Variants in EPC2 observed in about 807,000 individuals in gnomAD.
The protein encoded by EPC2 is enhancer of polycomb 2.
EPC2 carries 14 observed loss-of-function variants against 92.1 expected under a neutral mutation model. The observed-to-expected ratio is 0.15, with a 90% CI of 0.10 to 0.24. The LOEUF is 0.24. Ranked by LOEUF, EPC2 falls within the 10% of genes least tolerant of loss-of-function variation. EPC2 has a pLI of 1.00. For synonymous variants in EPC2, 340 were observed against 334.7 expected (o/e 1.02, Z -0.17); for missense variants, 755 against 971.5 (o/e 0.78, Z 2.96).
intron 1 of EPC2, among the ~76,000 whole-genome samples, chr2:148,660,703 G>T (rs866689607): frequency 8.6e-5 from 13 of 151,696 alleles, no homozygotes; most frequent in Middle Eastern, 3.4e-3. Context: ...AGTATACACT[G>T]CGTTGTAGAT....
intron 1 of EPC2, among the ~76,000 whole-genome samples, chr2:148,649,244 T>C (rs1680607562): frequency 6.6e-6 from 1 of 152,198 alleles, no homozygotes; most frequent in Non-Finnish European, 1.5e-5. Flanking sequence ...CTATATACAG[T>C]GTGGAGTTTG....
Position 148,770,916 on chromosome 2 carries a change from G to A in EPC2, c.1355G>A (p.Arg452Lys). ...AGAAGATGTATAGGATTTGCAAGGA[G>A]GCGAATTGGCAGAGGTGGAAGGTGA... Reference protein sequence around the residue: ...VPRRCIGFARRRIGRGGRVIM... With the variant: ...VPRRCIGFARKRIGRGGRVIM... Residue 452 changes from arginine (R) to lysine (K), a missense_variant, in exon 9 of 14, where the codon AGG becomes AAG. Physicochemically the swap from Arg to Lys is conservative, Grantham distance 26. Around this residue, in one of 4 missense-constraint regions of EPC2, gnomAD observed 509 missense variants for 607.7 expected, o/e 0.84. Transcript: ENST00000258484. 6.2e-7 allele frequency: 1 copy of A among 1,612,522 alleles called. No homozygotes were observed. The highest frequency in any genetic ancestry group is 8.5e-7 in the Non-Finnish European group (1 of 1,179,586).
chr2:148,680,022 C>T (rs1052402792), intron 1 of EPC2, among the ~76,000 whole-genome samples: 2 of 151,448 alleles, frequency 1.3e-5, no homozygotes, highest in African/African-American at 4.9e-5. Context: ...GGTGTTCCAA[C>T]TTGGGATTCT....
At chr2:148,737,108 T>G (rs577751119) in intron 2 of EPC2, among the ~76,000 whole-genome samples, 4 of 152,158 alleles carry the variant, frequency 2.6e-5, no homozygotes, top group Admixed American at 6.5e-5. Context: ...AAGAAAGAAA[T>G]AAAACTAATT....
chr2:148,678,041 C>T lies in EPC2; in HGVS notation c.154-12173C>T, dbSNP rs1463738152. On this transcript the variant is annotated intron_variant, in intron 1 of 13. Transcript: ENST00000258484. ...AGCCTGCTTTTATTCTCTTATCTGG[C>T]CCCACCCACATCCTGCTGATTGGTA... Among the ~76,000 whole-genome samples, 9 of 152,282 alleles carry T rather than the reference C, an allele frequency of 5.9e-5. No individual in the cohort carries two copies. In the South Asian group the frequency reaches 1.7e-3, roughly 28 times the overall value.
intron 6 of EPC2, 21 bp downstream of exon 6, chr2:148,762,823 A>C: frequency 1.3e-6 from 2 of 1,591,070 alleles, no homozygotes; most frequent in African/African-American, 1.3e-5. Flanking sequence ...TCTGGGAAGA[A>C]GCATGTATGG....
intron 1 of EPC2, among the ~76,000 whole-genome samples, chr2:148,655,679 T>A (rs1680778476): frequency 6.6e-6 from 1 of 152,190 alleles, no homozygotes; most frequent in Non-Finnish European, 1.5e-5. Context: ...TTTCTATGGA[T>A]GTTTTGGGAA....
chr2:148,783,706 A>G lies in EPC2; in HGVS notation c.1967A>G (p.Lys656Arg), dbSNP rs567494175. The G allele has an allele frequency of 1.2e-5, 19 of 1,594,218 alleles. No individual in the cohort carries two copies. The South Asian group carries it at 2.2e-4, about 18-fold the overall frequency. ...APVPSRSEVA[K>R]EQNTGHNNIN... ...GTTCCAAGTCGCAGTGAGGTAGCCA[A>G]GGAACAGAACACTGGCCACAACAAC... Residue 656 changes from lysine (K) to arginine (R), a missense_variant, in exon 12 of 14, where the codon AAG becomes AGG. Transcript: ENST00000258484.
chr2:148,647,102 T>G (rs561798631), intron 1 of EPC2, among the ~76,000 whole-genome samples: 1 of 152,094 alleles, frequency 6.6e-6, no homozygotes, highest in Non-Finnish European at 1.5e-5. Flanking sequence ...AGAGCGAGAC[T>G]CCGTCCCCCC....
chr2:148,742,561 G>A (rs1411207146), intron 2 of EPC2, among the ~76,000 whole-genome samples: 3 of 151,814 alleles, frequency 2.0e-5, no homozygotes, highest in Non-Finnish European at 2.9e-5. Context: ...CAGACAGATC[G>A]CTTGAGCCCA....
chr2:148,766,061 AG>A (rs1683402446), intron 7 of EPC2, among the ~76,000 whole-genome samples: 1 of 152,210 alleles, frequency 6.6e-6, no homozygotes, highest in Non-Finnish European at 1.5e-5. Context: ...AACAAAAAAA[AG>A]ATCCATTTTT....
intron 1 of EPC2, among the ~76,000 whole-genome samples, chr2:148,686,833 A>G (rs1009333312): frequency 6.6e-6 from 1 of 152,206 alleles, no homozygotes; most frequent in African/African-American, 2.4e-5. Flanking sequence ...CCTGTAGAGC[A>G]CAGGCAGAGT....
chr2:148,763,094 G>T (rs754387115), intron 6 of EPC2, among the ~76,000 whole-genome samples: 32 of 152,086 alleles, frequency 2.1e-4, no homozygotes, highest in Non-Finnish European at 3.1e-4. Flanking sequence ...TGTTCAATAT[G>T]CTATCTGCCT....
intron 7 of EPC2, among the ~76,000 whole-genome samples, chr2:148,768,641 A>G (rs941255494): frequency 1.3e-5 from 2 of 152,078 alleles, no homozygotes; most frequent in Non-Finnish European, 2.9e-5. Context: ...GAGATACAAG[A>G]CTTTCCTTTG....
intron 4 of EPC2, among the ~76,000 whole-genome samples, chr2:148,757,629 G>A (rs917192336): frequency 1.3e-5 from 2 of 151,876 alleles, no homozygotes; most frequent in Non-Finnish European, 2.9e-5. Flanking sequence ...CCTGAGGTCG[G>A]GAGTTCAAGA....
chr2:148,723,506 G>A (rs562516822), intron 2 of EPC2, among the ~76,000 whole-genome samples: 29 of 152,140 alleles, frequency 1.9e-4, no homozygotes, highest in Non-Finnish European at 3.4e-4. Context: ...TTCTGTTCCC[G>A]TAAGTTGTGA....
intron 2 of EPC2, among the ~76,000 whole-genome samples, chr2:148,722,581 G>A (rs1348724369): frequency 1.3e-5 from 2 of 152,202 alleles, no homozygotes; most frequent in African/African-American, 4.8e-5. Flanking sequence ...GGGTAGGAAT[G>A]TAAATTAGTT....
chr2:148,757,933 A>G (rs897494463), intron 4 of EPC2, among the ~76,000 whole-genome samples: 9 of 152,200 alleles, frequency 5.9e-5, no homozygotes, highest in Non-Finnish European at 1.2e-4. Flanking sequence ...CCTTAGGAAA[A>G]TTATTCCAGG....
chr2:148,692,918 T>C lies in EPC2; in HGVS notation c.313+2545T>C, dbSNP rs1236423141. On this transcript the variant is annotated intron_variant, in intron 2 of 13. Coordinates refer to ENST00000258484, the MANE Select transcript of EPC2 (RefSeq NM_015630.4). ...ATTATTTTACCTTTCATTTTTTCTT[T>C]TAGCTTGTCAGCATATACTGCATAC... 2.6e-5 allele frequency: 4 copies of C among 152,226 alleles called. No homozygotes were observed. In the East Asian group the frequency reaches 7.7e-4, roughly 29 times the overall value. The allele number at this position is 152,226 out of a possible 1,614,324, so 9.4% of individuals were successfully genotyped here.
Sources: gnomAD v4.1 joint callset for allele counts (sites outside exome capture counted in the v4.1 genomes callset) on GRCh38, gnomAD v4.1.1 for gene constraint, gnomAD v4.1.1 regional missense constraint, MANE v1.5 for transcripts, NCBI Gene and HGNC (gene_info 2026-07-23, HGNC 2026-07-21) for gene names.